Variants in SCAPER observed in about 807,000 individuals in gnomAD.
SCAPER encodes S-phase cyclin A associated protein in the ER.
Under a neutral mutation model 182.2 loss-of-function variants are expected in SCAPER, and 98 were observed. The observed-to-expected ratio is 0.54, with a 90% CI of 0.46 to 0.64. SCAPER has a LOEUF of 0.64. Ranked by LOEUF, SCAPER falls within the 30% of genes least tolerant of loss-of-function variation. The probability of loss-of-function intolerance (pLI) is 0.00; values close to 1 mark genes in which losing one functional copy is unlikely to be tolerated. For synonymous variants in SCAPER, 605 were observed against 564.6 expected (o/e 1.07, Z -1.01); for missense variants, 1,432 against 1,690.0 (o/e 0.85, Z 2.68).
intron 5 of SCAPER, among the ~76,000 whole-genome samples, chr15:76,829,024 C>G (rs563533333): frequency 6.6e-6 from 1 of 152,116 alleles, no homozygotes; most frequent in Non-Finnish European, 1.5e-5. Flanking sequence ...TATAGCAGCA[C>G]AATTCACAAT....
At chr15:76,661,723 A>G (rs2404733) in intron 21 of SCAPER, among the ~76,000 whole-genome samples, 58,060 of 152,096 alleles carry the variant, frequency 0.38, 13,083 homozygotes, top group Middle Eastern at 0.52. Context: ...ATGCTTTTAC[A>G]CTGTTGGTGG....
chr15:76,584,180 T>C (rs2048462339), intron 22 of SCAPER, among the ~76,000 whole-genome samples: 1 of 151,908 alleles, frequency 6.6e-6, no homozygotes, highest in Non-Finnish European at 1.5e-5. Flanking sequence ...TAAGACAAAC[T>C]TTCCTTGTTT....
intron 21 of SCAPER, among the ~76,000 whole-genome samples, chr15:76,633,809 G>A (rs1352875885): frequency 1.2e-4 from 19 of 152,252 alleles, no homozygotes; most frequent in Non-Finnish European, 2.8e-4. Flanking sequence ...TGGAGCCACA[G>A]TGATGGTGGT....
At chr15:76,835,561 A>G (rs536043279) in intron 5 of SCAPER, among the ~76,000 whole-genome samples, 25 of 152,342 alleles carry the variant, frequency 1.6e-4, no homozygotes, top group African/African-American at 4.8e-4. Flanking sequence ...AATAAGAGCC[A>G]TCTATGACAC....
intron 5 of SCAPER, among the ~76,000 whole-genome samples, chr15:76,811,442 T>G (rs959575481): frequency 6.6e-6 from 1 of 152,108 alleles, no homozygotes; most frequent in Admixed American, 6.5e-5. Flanking sequence ...TAAAATATCT[T>G]GAGACAAATA....
intron 20 of SCAPER, among the ~76,000 whole-genome samples, chr15:76,672,140 A>G (rs2057064921): frequency 1.3e-5 from 2 of 152,176 alleles, no homozygotes; most frequent in Non-Finnish European, 2.9e-5. Context: ...AAAGGGGAAA[A>G]CAATGCCTAG....
intron 9 of SCAPER, among the ~76,000 whole-genome samples, chr15:76,772,946 T>C (rs928863320): frequency 4.6e-5 from 7 of 151,940 alleles, no homozygotes; most frequent in African/African-American, 1.7e-4. Flanking sequence ...ATATCAAACT[T>C]GGCTAAGTCT....
intron 16 of SCAPER, 77 bp from the exon 17 acceptor site, chr15:76,728,814 C>T: frequency 1.4e-6 from 2 of 1,452,486 alleles, no homozygotes; most frequent in South Asian, 1.4e-5. Flanking sequence ...ATACCTTTCA[C>T]CAAACTTACA....
At chr15:76,580,531 GC>G (rs1178128106) in intron 22 of SCAPER, among the ~76,000 whole-genome samples, 5 of 152,086 alleles carry the variant, frequency 3.3e-5, no homozygotes, top group Non-Finnish European at 7.4e-5. Flanking sequence ...AAGATAGAAG[GC>G]CCCCTTGAAG....
rs188318014 is a variant in SCAPER at position 76,442,808 on chromosome 15, A to G, written c.3079-8498T>C. 2.0e-5 allele frequency among the ~76,000 whole-genome samples: 3 copies of G among 152,344 alleles called. No individual in the cohort carries two copies. In the East Asian group the frequency reaches 5.8e-4, roughly 29 times the overall value. On this transcript the variant is annotated intron_variant, in intron 25 of 31. Coordinates refer to ENST00000563290, the MANE Select transcript of SCAPER (RefSeq NM_020843.4). ...TCCATGTTAGGTGATATACCCTAAC[A>G]CCATTATATCTTTCCTAGTATAAGG...
intron 26 of SCAPER, among the ~76,000 whole-genome samples, chr15:76,418,012 G>A (rs1288464942): frequency 4.6e-5 from 7 of 151,782 alleles, no homozygotes; most frequent in African/African-American, 1.5e-4. Flanking sequence ...GCAAGACTCC[G>A]TCTCAAAAAA....
rs562189406 is a variant in SCAPER, at chr15:76,842,956, G to C, written c.196-1025C>G. Among the ~76,000 whole-genome samples, 14 of 152,198 alleles carry C rather than the reference G, an allele frequency of 9.2e-5. No individual in the cohort carries two copies. The South Asian group carries it at 2.7e-3, about 29-fold the overall frequency. On this transcript the variant is annotated intron_variant, in intron 4 of 31. Transcript: ENST00000563290. ...CCATTCAAAGTTAAAATTAACTTAG[G>C]AAGTTTCCTGAATTATACTTCCTTC...
intron 22 of SCAPER, among the ~76,000 whole-genome samples, chr15:76,591,036 C>T (rs1457781795): frequency 6.6e-6 from 1 of 152,172 alleles, no homozygotes; most frequent in African/African-American, 2.4e-5. Context: ...CTCATAACTG[C>T]AGGCGAGGTG....
At chr15:76,473,491 A>G (rs1186169937) in intron 24 of SCAPER, among the ~76,000 whole-genome samples, 7 of 152,216 alleles carry the variant, frequency 4.6e-5, no homozygotes, top group Non-Finnish European at 7.3e-5. Flanking sequence ...TGAGTGACCA[A>G]CGTTTATTTT....
At chr15:76,579,953 C>T (rs1261230119) in intron 22 of SCAPER, among the ~76,000 whole-genome samples, 10 of 152,046 alleles carry the variant, frequency 6.6e-5, no homozygotes. Flanking sequence ...ATAAAAGGGT[C>T]AATTCAGTAA....
Position 76,836,751 on chromosome 15 carries a change from G to A in SCAPER, c.393+4983C>T, listed in dbSNP as rs61242924. Among the ~76,000 whole-genome samples the A allele has an allele frequency of 3.2e-3, 494 of 152,094 alleles. 5 individuals carry two copies. Among genetic ancestry groups the A allele is most frequent in the African/African-American group, 0.011 (464 of 41,492 alleles). The stretch of plus-strand genomic sequence containing the variant: ...TAGCCGGGCGTGGTGGCAGGCACCC[G>A]TAGTCCCAGCTACTCGGGAGGCTGA... On this transcript the variant is annotated intron_variant, in intron 5 of 31. Transcript: ENST00000563290.
intron 24 of SCAPER, chr15:76,472,306 A>G: frequency 1.5e-6 from 1 of 657,724 alleles, no homozygotes; most frequent in South Asian, 1.4e-5. Flanking sequence ...AACCCTGCAG[A>G]AAATGAAGAT....
chr15:76,355,555 T>A (rs1056505413), intron 29 of SCAPER, among the ~76,000 whole-genome samples: 10 of 152,230 alleles, frequency 6.6e-5, no homozygotes, highest in Non-Finnish European at 1.5e-4. Context: ...TCTTTTTTTT[T>A]TTCCCCTCCT....
At chr15:76,809,612 G>T (rs1430639481) in intron 5 of SCAPER, among the ~76,000 whole-genome samples, 3 of 152,162 alleles carry the variant, frequency 2.0e-5, no homozygotes, top group African/African-American at 7.2e-5. Flanking sequence ...GGGACTTACA[G>T]AGCAGCATGA....
Sources: gnomAD v4.1 joint callset for allele counts (sites outside exome capture counted in the v4.1 genomes callset) on GRCh38, gnomAD v4.1.1 for gene constraint, MANE v1.5 for transcripts, NCBI Gene and HGNC (gene_info 2026-07-23, HGNC 2026-07-21) for gene names.